Variants in USP34 observed in about 807,000 individuals in gnomAD.
USP34 encodes the protein ubiquitin specific peptidase 34.
Under a neutral mutation model 460.3 loss-of-function variants are expected in USP34, and 70 were observed. The ratio of observed to expected loss-of-function variants is 0.15; its 90% CI spans 0.13 to 0.19. USP34 has a LOEUF of 0.19. Among genes scored for constraint, USP34 ranks in the 10% least tolerant of loss-of-function variants. The pLI, the probability that USP34 is intolerant of heterozygous loss-of-function variation, is 1.00. For missense variants in USP34, 3,985 were observed against 4,236.2 expected (o/e 0.94, Z 1.65); for synonymous variants, 1,647 against 1,405.3 (o/e 1.17, Z -3.85).
At position 61,247,826 on chromosome 2, in the gene USP34, G is replaced by A. The variant is rs545856546; in HGVS notation, c.6394+685C>T. Among the ~76,000 whole-genome samples the A allele has an allele frequency of 3.3e-5, 5 of 152,044 alleles. No homozygotes were observed. In the South Asian group the frequency reaches 1.0e-3, roughly 32 times the overall value. On this transcript the variant is annotated intron_variant, in intron 49 of 79. Coordinates refer to ENST00000398571, the MANE Select transcript of USP34 (RefSeq NM_014709.4). The stretch of plus-strand genomic sequence containing the variant: ...TTTTATTTTTTTGAGACAGAGTCTC[G>A]CTCTGTCGCCCACACTGGAGTGCAG...
intron 68 of USP34, among the ~76,000 whole-genome samples, chr2:61,212,367 G>C (rs1687294108): frequency 6.6e-6 from 1 of 152,124 alleles, no homozygotes. Flanking sequence ...TGTAAACCCA[G>C]AGGCATGCCA....
chr2:61,376,936 C>T (rs1692816472), intron 8 of USP34, among the ~76,000 whole-genome samples: 1 of 152,184 alleles, frequency 6.6e-6, no homozygotes, highest in Non-Finnish European at 1.5e-5. Context: ...AGCCACTGTG[C>T]CTGGCACAGA....
chr2:61,208,712 G>A (rs4671397), intron 70 of USP34, 187 bp downstream of exon 70: 310,433 of 352,006 alleles, frequency 0.88, 137,650 homozygotes, highest in African/African-American at 0.97. Context: ...ATGGAAAAAG[G>A]AACAGCACCC....
rs114495302 is a variant in USP34, at chr2:61,399,582, A to C, written c.553-4349T>G. On this transcript the variant is annotated intron_variant, in intron 3 of 79. Coordinates refer to ENST00000398571, the MANE Select transcript of USP34 (RefSeq NM_014709.4). ...ACTAGGAAGTCTCATTAAAAGACGA[A>C]TTAACGGTCCCGGGCGCGGTGGCTC... is the stretch of plus-strand genomic sequence containing the variant. Among the ~76,000 whole-genome samples the C allele has an allele frequency of 8.7e-3, 1,320 of 152,050 alleles. 10 individuals are homozygous for C. Among genetic ancestry groups the C allele is most frequent in the Non-Finnish European group, 0.014 (939 of 67,986 alleles).
intron 33 of USP34, among the ~76,000 whole-genome samples, chr2:61,291,635 T>C (rs1302790685): frequency 3.9e-5 from 6 of 152,206 alleles, no homozygotes; most frequent in Non-Finnish European, 4.4e-5. Context: ...TACATGCTTA[T>C]GAATGGTCAA....
In USP34 at chr2:61,248,810, C is replaced by T. The variant is rs78403465; in HGVS notation, c.6222-127G>A. 510 of 806,934 alleles carry T rather than the reference C, an allele frequency of 6.3e-4. 1 individual carries two copies. In the African/African-American group the frequency reaches 8.0e-3, roughly 13 times the overall value. The allele number at this position is 806,934 out of a possible 1,614,324, so 50.0% of individuals were successfully genotyped here. On this transcript the variant is annotated intron_variant, in intron 48 of 79. Coordinates refer to ENST00000398571, the MANE Select transcript of USP34 (RefSeq NM_014709.4). ...TAAGAAGTATAGTAGTTCCCCTTATCCACAGGGGATACCTTCTGAGAACAC... is the reference window on the plus strand; with the variant it reads ...TAAGAAGTATAGTAGTTCCCCTTATTCACAGGGGATACCTTCTGAGAACAC...
At chr2:61,271,089 G>A (rs1335842540) in intron 41 of USP34, among the ~76,000 whole-genome samples, 1 of 151,994 alleles carries the variant, frequency 6.6e-6, no homozygotes, top group Non-Finnish European at 1.5e-5. Context: ...TTCGAGACCA[G>A]CATGGCCAAC....
intron 10 of USP34, 147 bp downstream of exon 10, chr2:61,370,174 T>C: frequency 1.4e-6 from 1 of 717,044 alleles, no homozygotes; most frequent in Non-Finnish European, 2.3e-6. Context: ...TAGTAAGACA[T>C]GGACTCGGAA....
chr2:61,282,340 T>A (rs1402858044), intron 37 of USP34, among the ~76,000 whole-genome samples: 1 of 152,170 alleles, frequency 6.6e-6, no homozygotes, highest in Non-Finnish European at 1.5e-5. Context: ...GCTAAATATA[T>A]TACTGTGTGT....
At chr2:61,375,544 C>T (rs889976525) in intron 8 of USP34, among the ~76,000 whole-genome samples, 2 of 151,928 alleles carry the variant, frequency 1.3e-5, no homozygotes, top group Admixed American at 6.6e-5. Context: ...CCAAGGCAGG[C>T]GGATCACGAG....
chr2:61,409,673 C>A (rs533119648), intron 2 of USP34, among the ~76,000 whole-genome samples: 12 of 152,212 alleles, frequency 7.9e-5, no homozygotes, highest in Middle Eastern at 3.4e-3. Context: ...AAGACTGCGC[C>A]ACTGCACTCC....
rs1188872311 is a variant in USP34, at chr2:61,394,938, G to T, written c.668C>A (p.Ser223Tyr). ...ATATTCAAAGCAATCCTTCATGAGA[G>T]AAAGGCCATTTTTCCCACAAAACAA... ...VCLFCGKNGL[S>Y]LMKDCFEYGT... The change falls in exon 5 of 80, where the codon TCT becomes TAT. Residue 223 changes from serine (S) to tyrosine (Y), a missense_variant. Around this residue, in one of 14 missense-constraint regions of USP34, gnomAD observed 331 missense variants for 293.7 expected, o/e 1.13. Transcript: ENST00000398571. 3 of 1,608,264 alleles carry T rather than the reference G, an allele frequency of 1.9e-6. No individual in the cohort carries two copies. The African/African-American group carries it at 4.0e-5, about 22-fold the overall frequency.
chr2:61,301,864 C>T (rs1226371095), intron 27 of USP34, among the ~76,000 whole-genome samples: 2 of 152,098 alleles, frequency 1.3e-5, no homozygotes, highest in Admixed American at 1.3e-4. Context: ...CACCATTAAC[C>T]CTTTACTCTC....
At chr2:61,349,111 A>T (rs2103780653) in intron 13 of USP34, 139 bp downstream of exon 13, 1 of 1,106,418 alleles carries the variant, frequency 9.0e-7, no homozygotes, top group Admixed American at 2.8e-5. Context: ...GGGTAACACG[A>T]ATATGTTAAA....
chr2:61,395,929 T>C (rs554572308), intron 3 of USP34, among the ~76,000 whole-genome samples: 12 of 150,854 alleles, frequency 8.0e-5, no homozygotes, highest in Admixed American at 4.6e-4. Flanking sequence ...GTCAGTGTGG[T>C]GGTGGGCACT....
At chr2:61,349,434 T>C (rs748228580) in intron 12 of USP34, 149 bp from the exon 13 acceptor site, 35 of 715,890 alleles carry the variant, frequency 4.9e-5, no homozygotes, top group Non-Finnish European at 7.2e-5. Flanking sequence ...ACAGTAGTTG[T>C]TGGGGGTGCC....
intron 66 of USP34, among the ~76,000 whole-genome samples, chr2:61,220,967 A>G (rs1687564336): frequency 9.9e-6 from 1 of 100,888 alleles, no homozygotes; most frequent in African/African-American, 5.8e-5. Flanking sequence ...TTATTGAAAC[A>G]CACCCATAAC....
chr2:61,348,573 G>C, intron 14 of USP34, 93 bp from the exon 15 acceptor site: 1 of 1,484,780 alleles, frequency 6.7e-7, no homozygotes, highest in South Asian at 1.4e-5. Context: ...TAAAAAGGCT[G>C]CCAGTCTTGT....
chr2:61,312,902 A>G (rs531784026), intron 25 of USP34, among the ~76,000 whole-genome samples: 2 of 152,330 alleles, frequency 1.3e-5, no homozygotes, highest in East Asian at 3.9e-4. Context: ...GTTTAAGATT[A>G]TAACTTTATC....
Sources: allele counts gnomAD v4.1 joint callset (sites outside exome capture counted in the v4.1 genomes callset), GRCh38; gene constraint gnomAD v4.1.1; regional missense constraint gnomAD v4.1.1; transcripts MANE v1.5; gene names NCBI Gene and HGNC (gene_info 2026-07-23, HGNC 2026-07-21).